Variants in FBXO9 observed in about 807,000 individuals in gnomAD.
FBXO9 encodes the protein F-box protein 9, also known as F-box only protein 9.
Under a neutral mutation model 63.7 loss-of-function variants are expected in FBXO9, and 43 were observed. The observed-to-expected ratio is 0.67, with a 90% CI of 0.53 to 0.87. The LOEUF (loss-of-function observed/expected upper bound fraction) is 0.87. Among genes scored for constraint, FBXO9 ranks in the 40% least tolerant of loss-of-function variants. FBXO9 has a pLI of 0.00. For missense variants in FBXO9, 442 were observed against 533.2 expected (o/e 0.83, Z 1.68); for synonymous variants, 156 against 171.7 (o/e 0.91, Z 0.72).
intron 5 of FBXO9, among the ~76,000 whole-genome samples, chr6:53,079,135 C>T (rs894256661): frequency 6.6e-6 from 1 of 151,684 alleles, no homozygotes; most frequent in African/African-American, 2.4e-5. Context: ...TACAAAAAAA[C>T]GGTTTAAAAA....
Position 53,065,751 on chromosome 6 carries a change from A to G in FBXO9, c.-39A>G. ...CTCCGGGGGGCGGTGCAGAGGGGGC[A>G]CGGAGAGCCCCTCGAGCGCAGCAGG... On this transcript the variant is annotated 5_prime_UTR_variant, in exon 1 of 13. Coordinates refer to ENST00000323557, the MANE Select transcript of FBXO9 (RefSeq NM_033480.3). 7.1e-7 allele frequency: 1 copy of G among 1,417,188 alleles called. No homozygotes were observed. Among genetic ancestry groups the G allele is most frequent in the Non-Finnish European group, 9.2e-7 (1 of 1,085,434 alleles). 87.8% of individuals were successfully genotyped at this position (1,417,188 alleles called of 1,614,324 possible).
chr6:53,078,926 T>C (rs1272900484), intron 5 of FBXO9, 28 bp downstream of exon 5: 6 of 1,532,380 alleles, frequency 3.9e-6, no homozygotes, highest in Non-Finnish European at 5.4e-6. Context: ...TAGATAGTAA[T>C]GCATAGAGTT....
chr6:53,070,801 C>T (rs9474380), intron 1 of FBXO9: 4 of 408,198 alleles, frequency 9.8e-6, no homozygotes, highest in Non-Finnish European at 1.7e-5. Flanking sequence ...TTAAATTTGG[C>T]GGGGGGGAAA....
At chr6:53,074,171 A>C (rs1769017281) in intron 3 of FBXO9, among the ~76,000 whole-genome samples, 1 of 152,182 alleles carries the variant, frequency 6.6e-6, no homozygotes, top group South Asian at 2.1e-4. Context: ...TAACATTCAT[A>C]TCTCTTCTGG....
rs1046724716 is a variant in FBXO9 at position 53,099,529 on chromosome 6, T to TC, written c.*1700dup. Reference sequence around the variant, plus strand: ...GCCAAGGCAGGAGGATTGCTTGAGGTCAGGAGTTTTAGACCAGCCTGGACA... The same window carrying TC: ...GCCAAGGCAGGAGGATTGCTTGAGGTCCAGGAGTTTTAGACCAGCCTGGACA... On this transcript the variant is annotated 3_prime_UTR_variant, in exon 13 of 13. Coordinates refer to ENST00000323557, the MANE Select transcript of FBXO9 (RefSeq NM_033480.3). 3 of 151,732 alleles carry TC rather than the reference T, an allele frequency of 2.0e-5. No individual in the cohort carries two copies. The highest frequency in any genetic ancestry group is 6.6e-5 in the Admixed American group (1 of 15,202). The allele number at this position is 151,732 out of a possible 1,614,324, so 9.4% of individuals were successfully genotyped here.
At chr6:53,097,638 T>G (rs1763247710) in intron 12 of FBXO9, 84 bp from the exon 13 acceptor site, 1 of 717,656 alleles carries the variant, frequency 1.4e-6, no homozygotes, top group Admixed American at 2.8e-5. Context: ...GGCTAAAGCA[T>G]AGAATAACCT....
At chr6:53,072,460 G>A (rs1451666495) in intron 2 of FBXO9, among the ~76,000 whole-genome samples, 1 of 152,170 alleles carries the variant, frequency 6.6e-6, no homozygotes, top group African/African-American at 2.4e-5. Flanking sequence ...AGCCATCCTC[G>A]AGGGAGTTCT....
Position 53,092,448 on chromosome 6 carries a change from C to T in FBXO9, c.673C>T (p.Leu225=), listed in dbSNP as rs369156467. 3.6e-4 allele frequency: 573 copies of T among 1,613,750 alleles called. No homozygotes were observed. The highest frequency in any genetic ancestry group is 4.7e-4 in the Non-Finnish European group (559 of 1,179,794). Residue 225 remains leucine, a synonymous_variant, in exon 8 of 13, where the codon CTG becomes TTG. Coordinates refer to ENST00000323557, the MANE Select transcript of FBXO9 (RefSeq NM_033480.3). ...ICARDPEIWR[L]ACLKVWGRSC... is the part of the protein sequence containing the mutation. ...CCCTAGAGACCCTGAAATATGGCGTCTGGCCTGCTTGAAAGTTTGGGGCAG... is the reference window on the plus strand; with the variant it reads ...CCCTAGAGACCCTGAAATATGGCGTTTGGCCTGCTTGAAAGTTTGGGGCAG...
chr6:53,073,247 T>C (rs1003208998), intron 2 of FBXO9, among the ~76,000 whole-genome samples: 16 of 152,186 alleles, frequency 1.1e-4, no homozygotes, highest in African/African-American at 3.6e-4. Context: ...AATTTGACTT[T>C]TGGTGTACTG....
chr6:53,069,217 G>T (rs1480616044), intron 1 of FBXO9, among the ~76,000 whole-genome samples: 1 of 152,164 alleles, frequency 6.6e-6, no homozygotes. Context: ...TTTTAACCTA[G>T]AACCCAGTGG....
intron 12 of FBXO9, among the ~76,000 whole-genome samples, chr6:53,096,259 A>G (rs920014651): frequency 2.0e-5 from 3 of 152,226 alleles, no homozygotes; most frequent in Non-Finnish European, 2.9e-5. Flanking sequence ...ACAGAAATAT[A>G]TAAAACTTAA....
In FBXO9 at chr6:53,065,766, A is replaced by G. The variant is rs1460565883; in HGVS notation, c.-24A>G. 3 of 1,401,398 alleles carry G rather than the reference A, an allele frequency of 2.1e-6. No individual in the cohort carries two copies. The highest frequency in any genetic ancestry group is 2.9e-5 in the Admixed American group (1 of 34,106). The allele number at this position is 1,401,398 out of a possible 1,614,324, so 86.8% of individuals were successfully genotyped here. On this transcript the variant is annotated 5_prime_UTR_variant, in exon 1 of 13. Coordinates refer to ENST00000323557, the MANE Select transcript of FBXO9 (RefSeq NM_033480.3). Reference sequence around the variant, plus strand: ...CAGAGGGGGCACGGAGAGCCCCTCGAGCGCAGCAGGCCGCCCCGCCAGCAT... The same window carrying G: ...CAGAGGGGGCACGGAGAGCCCCTCGGGCGCAGCAGGCCGCCCCGCCAGCAT...
chr6:53,070,611 A>G (rs1273631152), intron 1 of FBXO9, among the ~76,000 whole-genome samples: 2 of 152,220 alleles, frequency 1.3e-5, no homozygotes, highest in Non-Finnish European at 2.9e-5. Flanking sequence ...TTACATTATA[A>G]GTAACCTAGA....
In FBXO9 at chr6:53,073,570, A is replaced by C. The variant is rs968484396; in HGVS notation, c.180A>C (p.Ala60=). ...ATTTAGAAAATCGACCTTGCAGAGC[A>C]GCAAGAGGCTCTCTCCAGAAAACAT... ...SSNLENRPCR[A]ARGSLQKTSA... Residue 60 remains alanine, a synonymous_variant, in exon 3 of 13, where the codon GCA becomes GCC. Transcript: ENST00000323557. The C allele has an allele frequency of 3.1e-6, 5 of 1,612,210 alleles. No homozygotes were observed. Among genetic ancestry groups the C allele is most frequent in the Middle Eastern group, 1.6e-4 (1 of 6,062 alleles).
intron 7 of FBXO9, among the ~76,000 whole-genome samples, chr6:53,084,365 T>C (rs966450301): frequency 6.6e-6 from 1 of 152,222 alleles, no homozygotes; most frequent in South Asian, 2.1e-4. Flanking sequence ...TTTTAACCAA[T>C]GAATACTAAA....
At chr6:53,075,807 G>A (rs921252588) in intron 3 of FBXO9, among the ~76,000 whole-genome samples, 28 of 119,030 alleles carry the variant, frequency 2.4e-4, no homozygotes, top group Admixed American at 5.9e-4. Flanking sequence ...GCTGTGGCAC[G>A]ATCTCAGCTC....
intron 1 of FBXO9, among the ~76,000 whole-genome samples, chr6:53,069,429 A>G (rs555959237): frequency 7.2e-5 from 11 of 152,316 alleles, no homozygotes; most frequent in East Asian, 1.9e-4. Flanking sequence ...CTTAGACTCA[A>G]TTATGTTTGG....
chr6:53,084,778 T>G (rs1203878283), intron 7 of FBXO9, among the ~76,000 whole-genome samples: 3 of 148,122 alleles, frequency 2.0e-5, no homozygotes, highest in Admixed American at 2.0e-4. Context: ...TGTATTGCAG[T>G]TTTTTTTTTA....
At chr6:53,095,478 G>T in intron 11 of FBXO9, 35 bp from the exon 12 acceptor site, 1 of 1,564,182 alleles carries the variant, frequency 6.4e-7, no homozygotes, top group Non-Finnish European at 8.7e-7. Flanking sequence ...GTGAGGTAAG[G>T]TTTCATTATA....
Sources: gnomAD v4.1 joint callset for allele counts (sites outside exome capture counted in the v4.1 genomes callset) on GRCh38, gnomAD v4.1.1 for gene constraint, MANE v1.5 for transcripts, NCBI Gene and HGNC (gene_info 2026-07-23, HGNC 2026-07-21) for gene names.